DNAJC1: variants seen among roughly 807,000 people sequenced by gnomAD.
DNAJC1 encodes the protein DnaJ heat shock protein family (Hsp40) member C1, also known as dnaJ homolog subfamily C member 1.
DNAJC1 carries 58 observed loss-of-function variants against 76.6 expected under a neutral mutation model. The observed-to-expected ratio is 0.76, with a 90% CI of 0.61 to 0.94. The LOEUF is 0.94. Among genes scored for constraint, DNAJC1 ranks in the 40% least tolerant of loss-of-function variants. The pLI, the probability that DNAJC1 is intolerant of heterozygous loss-of-function variation, is 0.00. For synonymous variants in DNAJC1, 258 were observed against 267.9 expected (o/e 0.96, Z 0.36); for missense variants, 689 against 677.3 (o/e 1.02, Z -0.19).
At position 21,756,741 on chromosome 10, in the gene DNAJC1, A is replaced by G. The variant is rs754771571; in HGVS notation, c.1611T>C (p.Ala537=). ...VPSKSKEDCI[A]RYKLLVELVQ... ...CCAGTTCAACCAGCAACTTGTACCT[A>G]GCGATACAGTCTTCCTGTAGGAAGA... The change falls in exon 12 of 12, where the codon GCT becomes GCC. Residue 537 remains alanine, a synonymous_variant. Coordinates refer to ENST00000376980, the MANE Select transcript of DNAJC1 (RefSeq NM_022365.4). 7 of 1,613,646 alleles carry G rather than the reference A, an allele frequency of 4.3e-6. No homozygotes were observed. Among genetic ancestry groups the G allele is most frequent in the South Asian group, 1.1e-5 (1 of 91,078 alleles).
intron 9 of DNAJC1, among the ~76,000 whole-genome samples, chr10:21,800,632 G>T (rs529490365): frequency 9.8e-5 from 15 of 152,288 alleles, no homozygotes; most frequent in African/African-American, 3.6e-4. Flanking sequence ...TGCCATGAAA[G>T]ATGCTCATGT....
At chr10:21,791,124 A>G (rs185660095) in intron 9 of DNAJC1, among the ~76,000 whole-genome samples, 8 of 152,322 alleles carry the variant, frequency 5.3e-5, no homozygotes, top group Non-Finnish European at 1.2e-4. Context: ...AGCTGCAAAA[A>G]GAGACAAAAA....
intron 1 of DNAJC1, among the ~76,000 whole-genome samples, chr10:21,979,528 AC>A (rs1838118542): frequency 6.6e-6 from 1 of 151,972 alleles, no homozygotes; most frequent in Non-Finnish European, 1.5e-5. Context: ...CTGTACCTCA[AC>A]CCTATTTTTC....
At chr10:21,766,213 T>C (rs771911443) in intron 10 of DNAJC1, 48 bp downstream of exon 10, 3 of 1,379,418 alleles carry the variant, frequency 2.2e-6, no homozygotes, top group Non-Finnish European at 3.1e-6. Flanking sequence ...GGGATTAATT[T>C]AGAAGAAACC....
chr10:21,823,770 A>G (rs1400773159), intron 8 of DNAJC1, among the ~76,000 whole-genome samples: 19 of 151,998 alleles, frequency 1.3e-4, no homozygotes, highest in African/African-American at 4.6e-4. Flanking sequence ...AAATCCCACA[A>G]TGTTTGAAGA....
At chr10:21,916,949 A>G (rs1309030118) in intron 6 of DNAJC1, among the ~76,000 whole-genome samples, 1 of 152,142 alleles carries the variant, frequency 6.6e-6, no homozygotes, top group Non-Finnish European at 1.5e-5. Flanking sequence ...TTTCCTTTAA[A>G]AAGGAAAATC....
intron 8 of DNAJC1, among the ~76,000 whole-genome samples, chr10:21,844,258 A>C (rs1835620490): frequency 1.4e-5 from 2 of 147,894 alleles, no homozygotes; most frequent in Non-Finnish European, 1.5e-5. Context: ...GCGCCACCAC[A>C]CCTGGCTAAT....
intron 1 of DNAJC1, among the ~76,000 whole-genome samples, chr10:21,952,222 C>A (rs1161072652): frequency 6.6e-6 from 1 of 152,172 alleles, no homozygotes; most frequent in Non-Finnish European, 1.5e-5. Context: ...CCAAAAACTA[C>A]TTTTCATGCT....
chr10:21,887,868 A>G (rs1053529566), intron 7 of DNAJC1, among the ~76,000 whole-genome samples: 1 of 152,194 alleles, frequency 6.6e-6, no homozygotes, highest in South Asian at 2.1e-4. Flanking sequence ...AATTGAAACA[A>G]AAGCAAAAAT....
At chr10:21,891,325 C>A (rs542753581) in intron 7 of DNAJC1, among the ~76,000 whole-genome samples, 1 of 151,104 alleles carries the variant, frequency 6.6e-6, no homozygotes, top group East Asian at 1.9e-4. Context: ...TATAGAAGAA[C>A]CAAATGGAAA....
intron 1 of DNAJC1, among the ~76,000 whole-genome samples, chr10:21,938,340 C>T (rs893111815): frequency 2.6e-5 from 4 of 151,284 alleles, no homozygotes; most frequent in South Asian, 4.2e-4. Context: ...CAGTTATAAA[C>T]ACACTTAAAA....
chr10:21,880,013 T>C (rs1364748495), intron 8 of DNAJC1, among the ~76,000 whole-genome samples: 1 of 152,240 alleles, frequency 6.6e-6, no homozygotes, highest in Non-Finnish European at 1.5e-5. Context: ...TCAGTGAAGC[T>C]TACAGAATAT....
At position 21,812,515 on chromosome 10, in the gene DNAJC1, T is replaced by C. The variant is rs371843633; in HGVS notation, c.979-6416A>G. ...GTAGATACTAGATCTTTGTCAGATA[T>C]AAGTATTACCAAATATTTTCTTCTG... On this transcript the variant is annotated intron_variant, in intron 8 of 11. Coordinates refer to ENST00000376980, the MANE Select transcript of DNAJC1 (RefSeq NM_022365.4). Among the ~76,000 whole-genome samples, 9 of 152,308 alleles carry C rather than the reference T, an allele frequency of 5.9e-5. No homozygotes were observed. The East Asian group carries it at 1.2e-3, about 20-fold the overall frequency.
chr10:21,821,862 G>A (rs1383311652), intron 8 of DNAJC1, among the ~76,000 whole-genome samples: 3 of 150,718 alleles, frequency 2.0e-5, no homozygotes, highest in Non-Finnish European at 4.4e-5. Context: ...AAAAACAACT[G>A]AGACTAAAAT....
At chr10:21,833,224 C>A (rs1161998895) in intron 8 of DNAJC1, among the ~76,000 whole-genome samples, 1 of 152,186 alleles carries the variant, frequency 6.6e-6, no homozygotes, top group Non-Finnish European at 1.5e-5. Context: ...CTAATCCCAG[C>A]ACTTTGGGAG....
At chr10:21,818,731 G>C (rs1054681685) in intron 8 of DNAJC1, among the ~76,000 whole-genome samples, 2 of 152,092 alleles carry the variant, frequency 1.3e-5, no homozygotes, top group East Asian at 1.9e-4. Flanking sequence ...CCCCGATAAA[G>C]AAAGAAATGA....
At chr10:21,952,407 T>G (rs1056891216) in intron 1 of DNAJC1, among the ~76,000 whole-genome samples, 1 of 152,138 alleles carries the variant, frequency 6.6e-6, no homozygotes, top group Admixed American at 6.5e-5. Flanking sequence ...AAAATTAACC[T>G]AGGTAATTGT....
intron 1 of DNAJC1, among the ~76,000 whole-genome samples, chr10:21,955,946 T>G (rs537591089): frequency 9.8e-5 from 15 of 152,312 alleles, no homozygotes; most frequent in Non-Finnish European, 2.1e-4. Context: ...TTTAAAAAAT[T>G]TAAAGAAAAA....
At chr10:21,962,459 CTTTTTTT>C (rs34817098) in intron 1 of DNAJC1, among the ~76,000 whole-genome samples, 7 of 39,890 alleles carry the variant, frequency 1.8e-4, no homozygotes, top group Admixed American at 4.3e-4. Context: ...TATTTTATTG[CTTTTTTT>C]TTTTTTTTTT....
Sources: allele counts gnomAD v4.1 joint callset (sites outside exome capture counted in the v4.1 genomes callset), GRCh38; gene constraint gnomAD v4.1.1; transcripts MANE v1.5; gene names NCBI Gene and HGNC (gene_info 2026-07-23, HGNC 2026-07-21).